Variants in TASP1 observed in about 807,000 individuals in gnomAD.
TASP1 encodes taspase 1.
Under a neutral mutation model 56.6 loss-of-function variants are expected in TASP1, and 16 were observed. That is an observed-to-expected ratio of 0.28 (90% CI 0.19 to 0.43). TASP1 has a LOEUF of 0.43. Among genes scored for constraint, TASP1 ranks in the 20% least tolerant of loss-of-function variants. The pLI is 1.00. For synonymous variants in TASP1, 179 were observed against 184.2 expected, an observed-to-expected ratio of 0.97 and a Z score of 0.23; for missense variants, 393 against 511.6, an observed-to-expected ratio of 0.77 and a Z score of 2.24.
At chr20:13,250,481 T>C in the TASP1 span, among the ~76,000 whole-genome samples, 2,216 of 152,256 alleles carry the variant, frequency 0.015, 31 homozygotes, top group Non-Finnish European at 0.023. Flanking sequence ...TCCTCATTGA[T>C]TGGGCAAACC....
chr20:13,365,795 G>A, the TASP1 span, among the ~76,000 whole-genome samples: 3 of 152,334 alleles, frequency 2.0e-5, no homozygotes, highest in East Asian at 5.8e-4. Context: ...GTAGGGAAGA[G>A]ATGTGATGAT....
intron 9 of TASP1, among the ~76,000 whole-genome samples, chr20:13,531,458 G>A (rs1259665438): frequency 2.0e-5 from 3 of 150,042 alleles, no homozygotes; most frequent in Non-Finnish European, 3.0e-5. Context: ...AAGCAAATAA[G>A]TTCTAATTCA....
the TASP1 span, among the ~76,000 whole-genome samples, chr20:13,156,090 A>T: frequency 1.3e-5 from 2 of 152,208 alleles, no homozygotes; most frequent in South Asian, 4.1e-4. Flanking sequence ...AGACACACAT[A>T]CATTTATTCA....
chr20:13,538,518 G>A (rs2045499115), intron 8 of TASP1, among the ~76,000 whole-genome samples: 1 of 152,188 alleles, frequency 6.6e-6, no homozygotes, highest in African/African-American at 2.4e-5. Flanking sequence ...AGGTTTGAGA[G>A]CAGCATTATA....
At chr20:13,634,982 C>T (rs1600225255) in intron 1 of TASP1, among the ~76,000 whole-genome samples, 2 of 151,748 alleles carry the variant, frequency 1.3e-5, no homozygotes, top group Admixed American at 6.6e-5. Context: ...GAGCAGAGAC[C>T]GCGCCATCGC....
the TASP1 span, among the ~76,000 whole-genome samples, chr20:13,325,789 T>C: frequency 3.0e-3 from 462 of 152,338 alleles, 2 homozygotes; most frequent in African/African-American, 0.01. Flanking sequence ...GAACTGACTC[T>C]TAACAGAAAA....
intron 1 of TASP1, among the ~76,000 whole-genome samples, chr20:13,631,882 G>A (rs1055852935): frequency 1.3e-5 from 2 of 152,008 alleles, no homozygotes; most frequent in African/African-American, 2.4e-5. Flanking sequence ...TGGCCAACAT[G>A]GTGAAACCCT....
chr20:13,236,513 A>C, the TASP1 span, among the ~76,000 whole-genome samples: 1 of 152,140 alleles, frequency 6.6e-6, no homozygotes, highest in Non-Finnish European at 1.5e-5. Context: ...TTTCAAAACC[A>C]ATCATGCCTT....
chr20:13,307,593 G>A, the TASP1 span, among the ~76,000 whole-genome samples: 4 of 152,036 alleles, frequency 2.6e-5, no homozygotes, highest in African/African-American at 7.2e-5. Context: ...GTCCAGTAAC[G>A]GGCACTCACT....
intron 12 of TASP1, among the ~76,000 whole-genome samples, chr20:13,423,980 C>A (rs2042537762): frequency 6.6e-6 from 1 of 152,080 alleles, no homozygotes; most frequent in Admixed American, 6.5e-5. Context: ...ATAAGCAAAT[C>A]TTAGGATGGG....
At chr20:13,139,199 G>C in the TASP1 span, among the ~76,000 whole-genome samples, 1 of 152,126 alleles carries the variant, frequency 6.6e-6, no homozygotes, top group Non-Finnish European at 1.5e-5. Flanking sequence ...GTAACAAGAG[G>C]TTGAGAAACT....
chr20:13,505,562 T>C (rs1379082977), intron 10 of TASP1, among the ~76,000 whole-genome samples: 4 of 152,060 alleles, frequency 2.6e-5, no homozygotes, highest in Non-Finnish European at 4.4e-5. Context: ...ATTGAAATCA[T>C]ACCAAGTCTT....
the TASP1 span, chr20:13,110,086 AT>A: frequency 0.042 from 45,708 of 1,087,044 alleles, 1,727 homozygotes; most frequent in African/African-American, 0.24. Context: ...TCATGACTCA[AT>A]TTTTTTTTTT....
chr20:13,129,121 C>T, the TASP1 span, among the ~76,000 whole-genome samples: 11 of 152,204 alleles, frequency 7.2e-5, no homozygotes, highest in African/African-American at 2.6e-4. Context: ...CCTGCCTCGG[C>T]CTCCCAAAGC....
intron 1 of TASP1, among the ~76,000 whole-genome samples, chr20:13,631,590 G>A (rs2049088107): frequency 6.6e-6 from 1 of 152,278 alleles, no homozygotes; most frequent in South Asian, 2.1e-4. Flanking sequence ...CATGAAATGA[G>A]CTTGGGACCA....
chr20:13,133,284 A>G, the TASP1 span, among the ~76,000 whole-genome samples: 3 of 152,176 alleles, frequency 2.0e-5, no homozygotes, highest in African/African-American at 4.8e-5. Flanking sequence ...AGATTTCTGC[A>G]TGACATGCTT....
chr20:13,459,931 C>G (rs1354859620), intron 11 of TASP1, among the ~76,000 whole-genome samples: 1 of 152,178 alleles, frequency 6.6e-6, no homozygotes, highest in Non-Finnish European at 1.5e-5. Flanking sequence ...TTTGCTCTAA[C>G]TTCTCATCTA....
At chr20:13,157,560 T>G in the TASP1 span, among the ~76,000 whole-genome samples, 1 of 152,106 alleles carries the variant, frequency 6.6e-6, no homozygotes, top group African/African-American at 2.4e-5. Context: ...CCTCTCAAGC[T>G]TTAGTCCATA....
the TASP1 span, among the ~76,000 whole-genome samples, chr20:13,319,170 C>T: frequency 2.0e-5 from 3 of 151,694 alleles, no homozygotes; most frequent in South Asian, 2.1e-4. Flanking sequence ...CGTTATGAAA[C>T]TAAAAATGCT....
Sources: gnomAD v4.1 joint callset for allele counts (sites outside exome capture counted in the v4.1 genomes callset) on GRCh38, gnomAD v4.1.1 for gene constraint, MANE v1.5 for transcripts, NCBI Gene and HGNC (gene_info 2026-07-23, HGNC 2026-07-21) for gene names.